SMG6: variants seen among roughly 807,000 people sequenced by gnomAD.
The protein encoded by SMG6 is telomerase-binding protein EST1A.
SMG6 carries 66 observed loss-of-function variants against 142.2 expected under a neutral mutation model. The ratio of observed to expected loss-of-function variants is 0.46; its 90% CI spans 0.38 to 0.57. The LOEUF (loss-of-function observed/expected upper bound fraction) is 0.57. Ranked by LOEUF, SMG6 falls within the 20% of genes least tolerant of loss-of-function variation. SMG6 has a pLI of 0.00. For synonymous variants in SMG6, 779 were observed against 702.4 expected (o/e 1.11, Z -1.72); for missense variants, 1,793 against 1,832.0 (o/e 0.98, Z 0.39).
chr17:2,158,370 T>C (rs1031329549), intron 13 of SMG6, among the ~76,000 whole-genome samples: 1 of 152,216 alleles, frequency 6.6e-6, no homozygotes, highest in East Asian at 1.9e-4. Flanking sequence ...AAAAAAGTAT[T>C]GCTAGATAAG....
At chr17:2,195,794 C>T (rs545565561) in intron 10 of SMG6, among the ~76,000 whole-genome samples, 1 of 152,286 alleles carries the variant, frequency 6.6e-6, no homozygotes, top group South Asian at 2.1e-4. Flanking sequence ...AAATGACCTG[C>T]CCAATAACAC....
At chr17:2,185,015 T>G (rs1217894882) in intron 12 of SMG6, among the ~76,000 whole-genome samples, 2 of 107,682 alleles carry the variant, frequency 1.9e-5, no homozygotes, top group South Asian at 3.0e-4. Context: ...CACAGAGACA[T>G]GAAAACACAG....
intron 13 of SMG6, among the ~76,000 whole-genome samples, chr17:2,165,048 G>A (rs2071293041): frequency 6.6e-6 from 1 of 152,338 alleles, no homozygotes. Flanking sequence ...GGGTGGGGGT[G>A]TTACTTTGCC....
At chr17:2,109,509 C>T (rs1260682417) in intron 13 of SMG6, among the ~76,000 whole-genome samples, 2 of 152,168 alleles carry the variant, frequency 1.3e-5, no homozygotes, top group African/African-American at 4.8e-5. Flanking sequence ...AGTGATCCGC[C>T]TGCCTCAGCC....
intron 6 of SMG6, among the ~76,000 whole-genome samples, chr17:2,288,839 G>A (rs2074966664): frequency 6.6e-6 from 1 of 151,802 alleles, no homozygotes; most frequent in Admixed American, 6.6e-5. Context: ...CAGCACTTTG[G>A]GAGGCTGAGG....
At chr17:2,091,820 GC>G (rs2068727219) in intron 13 of SMG6, among the ~76,000 whole-genome samples, 1 of 147,896 alleles carries the variant, frequency 6.8e-6, no homozygotes, top group Admixed American at 6.8e-5. Context: ...ACAGGCACCC[GC>G]CACCACGCCC....
At position 2,192,863 on chromosome 17, in the gene SMG6, A is replaced by G. The variant is rs552740815; in HGVS notation, c.2870-4348T>C. ...AGGAAGCAGTCGCTGTATAGGAACG[A>G]GACAAAAACAAAATCTCAGAGCAAA... is the stretch of plus-strand genomic sequence containing the variant. On this transcript the variant is annotated intron_variant, in intron 10 of 18. Transcript: ENST00000263073. Among the ~76,000 whole-genome samples, 28 of 152,340 alleles carry G rather than the reference A, an allele frequency of 1.8e-4. No homozygotes were observed. In the South Asian group the frequency reaches 5.2e-3, roughly 28 times the overall value.
At chr17:2,178,401 G>C (rs2071709862) in intron 12 of SMG6, among the ~76,000 whole-genome samples, 1 of 152,216 alleles carries the variant, frequency 6.6e-6, no homozygotes, top group Admixed American at 6.5e-5. Flanking sequence ...ACCAGACTTA[G>C]ATGAAGGTAA....
At chr17:2,177,491 A>G (rs1567660969) in intron 12 of SMG6, among the ~76,000 whole-genome samples, 1 of 152,190 alleles carries the variant, frequency 6.6e-6, no homozygotes, top group South Asian at 2.1e-4. Context: ...ACACTCCTTC[A>G]TATTTTACTG....
intron 10 of SMG6, among the ~76,000 whole-genome samples, chr17:2,235,146 C>T (rs2073613571): frequency 6.6e-6 from 1 of 152,204 alleles, no homozygotes; most frequent in Non-Finnish European, 1.5e-5. Context: ...TTCTCTTCTC[C>T]CTGGAAACCA....
chr17:2,257,156 G>T (rs2074203063), intron 8 of SMG6, among the ~76,000 whole-genome samples: 1 of 151,510 alleles, frequency 6.6e-6, no homozygotes, highest in Non-Finnish European at 1.5e-5. Flanking sequence ...CGTGATCTCG[G>T]CTCACTGCAA....
At position 2,299,191 on chromosome 17, in the gene SMG6, G is replaced by A. The variant is rs770319839; in HGVS notation, c.1562C>T (p.Pro521Leu). The change falls in exon 2 of 19, where the codon CCC (proline) becomes CTC (leucine). Residue 521 changes from proline to leucine, a missense_variant. Coordinates refer to ENST00000263073, the MANE Select transcript of SMG6 (RefSeq NM_017575.5). The surrounding 1 kb of genome is among the most constrained non-coding windows in gnomAD (Gnocchi z 4.3). ...CTGTAGAGGGTTATAGCCCGTATAG[G>A]GATACTGGGAGGCAGGGCCTGGTGT... ...PRTPGPASQY[P>L]YTGYNPLQYP... is the part of the protein sequence containing the mutation. The A allele has an allele frequency of 1.2e-6, 2 of 1,613,536 alleles. No homozygotes were observed. Among genetic ancestry groups the A allele is most frequent in the East Asian group, 2.2e-5 (1 of 44,882 alleles).
rs780358862 is a variant in SMG6 at position 2,299,995 on chromosome 17, C to T, written c.758G>A (p.Arg253His). Residue 253 changes from arginine (R) to histidine (H), a missense_variant, in exon 2 of 19, where the codon CGC (arginine) becomes CAC (histidine). Arg to His is a conservative substitution (Grantham distance 29). Coordinates refer to ENST00000263073, the MANE Select transcript of SMG6 (RefSeq NM_017575.5). This position sits in a 1 kb window ranked among gnomAD's most constrained non-coding sequence, Gnocchi z 4.3. ...RYSRSDKRRN[R>H]YRTRSTSSAG... is the part of the protein sequence containing the mutation. ...TGAGCTGGTGCTGCGCGTGCGGTAG[C>T]GATTCCTTCGTTTGTCTGAGCGGGA... The T allele has an allele frequency of 1.6e-5, 26 of 1,614,112 alleles. No homozygotes were observed. The South Asian group carries it at 1.6e-4, about 10-fold the overall frequency.
chr17:2,288,907 G>A (rs12602114), intron 6 of SMG6, among the ~76,000 whole-genome samples: 3,300 of 151,492 alleles, frequency 0.022, 46 homozygotes, highest in East Asian at 0.052. Flanking sequence ...GTGAAACCCC[G>A]TCTCTACTAA....
Position 2,089,448 on chromosome 17 carries a change from G to C in SMG6, c.3358-3547C>G, listed in dbSNP as rs2232474. 2.6e-4 allele frequency among the ~76,000 whole-genome samples: 40 copies of C among 152,222 alleles called. No homozygotes were observed. The East Asian group carries it at 7.4e-3, about 28-fold the overall frequency. On this transcript the variant is annotated intron_variant, in intron 13 of 18. Coordinates refer to ENST00000263073, the MANE Select transcript of SMG6 (RefSeq NM_017575.5). ...CTGGAGGGAGATGCACTGTGTAGGC[G>C]ATTGTCAAGAATTCCCAAGTTAATT...
rs556034137 is a variant in SMG6, at chr17:2,256,121, A to T, written c.2662-11402T>A. ...TTGTTTGTCTGCTGACCTTCCCTCC[A>T]CTGTTGTCCCATGACCCTGCCAAAT... On this transcript the variant is annotated intron_variant, in intron 8 of 18. Transcript: ENST00000263073. The T allele has an allele frequency of 1.9e-5, 3 of 160,394 alleles. No individual in the cohort carries two copies. The East Asian group carries it at 5.4e-4, about 29-fold the overall frequency. 9.9% of individuals were successfully genotyped at this position (160,394 alleles called of 1,614,324 possible). A position where few individuals can be genotyped will look rare whatever the true frequency, so the allele number is the denominator to read the frequency against.
chr17:2,177,355 C>A (rs1451528536), intron 12 of SMG6, among the ~76,000 whole-genome samples: 2 of 152,084 alleles, frequency 1.3e-5, no homozygotes, highest in African/African-American at 4.8e-5. Context: ...TCAGGCAGGA[C>A]TTTTTCTGAA....
chr17:2,247,233 G>A (rs1229306348), intron 8 of SMG6, among the ~76,000 whole-genome samples: 1 of 152,238 alleles, frequency 6.6e-6, no homozygotes, highest in Non-Finnish European at 1.5e-5. Flanking sequence ...AGCAAGTGGT[G>A]AAATGAAGCA....
intron 15 of SMG6, among the ~76,000 whole-genome samples, chr17:2,077,818 CCACT>C (rs1162724414): frequency 3.3e-5 from 5 of 152,096 alleles, no homozygotes; most frequent in Non-Finnish European, 7.3e-5. Flanking sequence ...AGGCACGTGC[CCACT>C]GTGTCTGGCA....
Sources: allele counts gnomAD v4.1 joint callset (sites outside exome capture counted in the v4.1 genomes callset), GRCh38; gene constraint gnomAD v4.1.1; non-coding constraint Gnocchi (gnomAD v3.1); transcripts MANE v1.5; gene names NCBI Gene and HGNC (gene_info 2026-07-23, HGNC 2026-07-21).